Variants in ABCB4 observed in about 807,000 individuals in gnomAD.
The protein encoded by ABCB4 is phosphatidylcholine translocator ABCB4.
Under a neutral mutation model 145.7 loss-of-function variants are expected in ABCB4, and 76 were observed. That is an observed-to-expected ratio of 0.52 (90% CI 0.43 to 0.63). ABCB4 has a LOEUF of 0.63. Ranked by LOEUF, ABCB4 falls within the 30% of genes least tolerant of loss-of-function variation. The pLI is 0.00. For missense variants in ABCB4, 1,234 were observed against 1,553.1 expected (o/e 0.79, Z 3.45); for synonymous variants, 517 against 566.8 (o/e 0.91, Z 1.25).
intron 23 of ABCB4, among the ~76,000 whole-genome samples, chr7:87,409,959 G>T (rs183274773): frequency 6.6e-6 from 1 of 152,174 alleles, no homozygotes; most frequent in African/African-American, 2.4e-5. Context: ...AAATAACTAT[G>T]CTATCAGTTA....
chr7:87,406,640 G>C (rs949778801), intron 25 of ABCB4, 146 bp from the exon 26 acceptor site: 1 of 811,370 alleles, frequency 1.2e-6, no homozygotes. Context: ...TACCATTGAG[G>C]CCAGCATGGC....
intron 15 of ABCB4, among the ~76,000 whole-genome samples, chr7:87,429,777 A>G (rs2116590844): frequency 6.6e-6 from 1 of 152,272 alleles, no homozygotes; most frequent in South Asian, 2.1e-4. Context: ...CCTCCACTGT[A>G]GAACACCCTC....
intron 24 of ABCB4, 79 bp downstream of exon 24, chr7:87,409,155 CTT>C (rs1808421962): frequency 2.0e-6 from 3 of 1,528,548 alleles, no homozygotes; most frequent in Non-Finnish European, 2.7e-6. Flanking sequence ...TCATCACAAA[CTT>C]ATCCTGTAGC....
chr7:87,466,792 C>A (rs1048353467), intron 3 of ABCB4, among the ~76,000 whole-genome samples: 7 of 152,282 alleles, frequency 4.6e-5, no homozygotes, highest in Admixed American at 2.6e-4. Flanking sequence ...TCACATCCAG[C>A]CAAACTAAGC....
the ABCB4 span, chr7:87,376,026 G>GT: frequency 1.1e-4 from 156 of 1,418,516 alleles, no homozygotes; most frequent in East Asian, 9.7e-4. Context: ...GAACATGGAA[G>GT]TTTTTTTTCT....
At chr7:87,460,936 G>C (rs889491038) in intron 4 of ABCB4, among the ~76,000 whole-genome samples, 1 of 151,740 alleles carries the variant, frequency 6.6e-6, no homozygotes, top group Middle Eastern at 3.2e-3. Flanking sequence ...ATACACAATA[G>C]AAAATTCCTA....
At chr7:87,372,763 G>T in the ABCB4 span, among the ~76,000 whole-genome samples, 2 of 152,030 alleles carry the variant, frequency 1.3e-5, no homozygotes, top group Non-Finnish European at 2.9e-5. Context: ...AGGTTCATCC[G>T]TGTTTTAGCA....
chr7:87,398,487 T>C, downstream of ABCB4: 3 of 1,610,608 alleles, frequency 1.9e-6, no homozygotes, highest in Non-Finnish European at 2.5e-6. Flanking sequence ...ATTTGGAGCC[T>C]TTTGTGTAAT....
Position 87,408,084 on chromosome 7 carries a change from C to T in ABCB4, c.3232G>A (p.Val1078Met). The T allele has an allele frequency of 6.2e-7, 1 of 1,614,192 alleles. No homozygotes were observed. The highest frequency in any genetic ancestry group is 8.5e-7 in the Non-Finnish European group (1 of 1,180,036). The change falls in exon 25 of 28, where the codon GTG becomes ATG. Residue 1078 changes from valine (V) to methionine (M), a missense_variant. Around this residue, in one of 7 missense-constraint regions of ABCB4, gnomAD observed 301 missense variants for 389.0 expected, o/e 0.77. Coordinates refer to ENST00000649586, the MANE Select transcript of ABCB4 (RefSeq NM_000443.4). ...VGSSGCGKST[V>M]VQLLERFYDP... The stretch of plus-strand genomic sequence containing the variant: ...TAGAACCGCTCCAGGAGCTGGACCA[C>T]CGTGCTCTTCCCACAGCCACTGCTG...
At chr7:87,468,934 A>T (rs1813139102) in intron 3 of ABCB4, among the ~76,000 whole-genome samples, 1 of 150,464 alleles carries the variant, frequency 6.6e-6, no homozygotes, top group East Asian at 1.9e-4. Context: ...CCGTCTCAAA[A>T]AATAAATAAA....
At chr7:87,449,119 CAGAGA>C (rs1811536483) in intron 8 of ABCB4, among the ~76,000 whole-genome samples, 1 of 152,148 alleles carries the variant, frequency 6.6e-6, no homozygotes, top group Non-Finnish European at 1.5e-5. Flanking sequence ...ATAATTTTTT[CAGAGA>C]AGAGTTTGCA....
chr7:87,472,574 T>C, intron 3 of ABCB4, 47 bp downstream of exon 3: 1 of 1,488,024 alleles, frequency 6.7e-7, no homozygotes, highest in Non-Finnish European at 9.4e-7. Flanking sequence ...ATACCTCAAA[T>C]TTGAATAAAA....
chr7:87,373,028 T>C, the ABCB4 span, among the ~76,000 whole-genome samples: 2 of 152,130 alleles, frequency 1.3e-5, no homozygotes, highest in African/African-American at 4.8e-5. Context: ...GGTAATTCTA[T>C]GTTTAACTAT....
At chr7:87,396,580 A>G in the ABCB4 span, among the ~76,000 whole-genome samples, 1 of 152,066 alleles carries the variant, frequency 6.6e-6, no homozygotes, top group Non-Finnish European at 1.5e-5. Flanking sequence ...AGAAATTACA[A>G]TGTATTTACA....
At chr7:87,368,634 A>G in the ABCB4 span, among the ~76,000 whole-genome samples, 8 of 152,306 alleles carry the variant, frequency 5.3e-5, no homozygotes, top group African/African-American at 1.9e-4. Context: ...AATACCCACC[A>G]CTATATTTCC....
chr7:87,450,243 G>T, intron 7 of ABCB4, 151 bp from the exon 8 acceptor site: 1 of 1,108,424 alleles, frequency 9.0e-7, no homozygotes, highest in Non-Finnish European at 1.3e-6. Flanking sequence ...TGGATCCAAT[G>T]GCTGCGTCCA....
chr7:87,391,271 G>A, the ABCB4 span, among the ~76,000 whole-genome samples: 1 of 152,186 alleles, frequency 6.6e-6, no homozygotes, highest in Non-Finnish European at 1.5e-5. Flanking sequence ...TTAGATGCAA[G>A]TCACTGTCTA....
At chr7:87,389,754 C>A in the ABCB4 span, among the ~76,000 whole-genome samples, 1 of 152,080 alleles carries the variant, frequency 6.6e-6, no homozygotes, top group South Asian at 2.1e-4. Flanking sequence ...ACATGTATCC[C>A]AGAACTTTAA....
chr7:87,454,738 G>T, intron 4 of ABCB4, 146 bp from the exon 5 acceptor site: 1 of 666,416 alleles, frequency 1.5e-6, no homozygotes, highest in African/African-American at 1.8e-5. Flanking sequence ...ACTTTTCTTT[G>T]CACACTTAAG....
Sources: allele counts gnomAD v4.1 joint callset (sites outside exome capture counted in the v4.1 genomes callset), GRCh38; gene constraint gnomAD v4.1.1; regional missense constraint gnomAD v4.1.1; transcripts MANE v1.5; gene names NCBI Gene and HGNC (gene_info 2026-07-23, HGNC 2026-07-21).